The following KYNU variants were observed in gnomAD, a reference collection of about 807,000 sequenced individuals.
The protein encoded by KYNU is L-kynurenine hydrolase.
Under a neutral mutation model 59.2 loss-of-function variants are expected in KYNU, and 54 were observed. That is an observed-to-expected ratio of 0.91 (90% confidence interval 0.73 to 1.14). KYNU has a LOEUF of 1.14. Ranked by LOEUF, KYNU falls within the 50% of genes most tolerant of loss-of-function variation. KYNU has a pLI of 0.00. For synonymous variants in KYNU, 177 were observed against 192.0 expected (o/e 0.92, Z 0.65); for missense variants, 567 against 554.4 (o/e 1.02, Z -0.23).
intron 10 of KYNU, among the ~76,000 whole-genome samples, chr2:142,988,683 G>C (rs1333582423): frequency 3.9e-5 from 6 of 151,900 alleles, no homozygotes; most frequent in Non-Finnish European, 8.8e-5. Context: ...ACTCATGAAG[G>C]CCACGTTAAG....
intron 4 of KYNU, among the ~76,000 whole-genome samples, chr2:142,936,619 C>T (rs1683399255): frequency 6.6e-6 from 1 of 152,192 alleles, no homozygotes; most frequent in Non-Finnish European, 1.5e-5. Context: ...AACAGATGAT[C>T]AGCAACTGCC....
intron 1 of KYNU, among the ~76,000 whole-genome samples, chr2:142,883,427 T>C (rs1237015677): frequency 6.6e-6 from 1 of 152,020 alleles, no homozygotes; most frequent in Non-Finnish European, 1.5e-5. Flanking sequence ...CTTGATCTCC[T>C]GACCTCGTGA....
intron 12 of KYNU, among the ~76,000 whole-genome samples, chr2:143,039,169 C>T (rs1686967803): frequency 6.6e-6 from 1 of 151,976 alleles, no homozygotes; most frequent in Non-Finnish European, 1.5e-5. Context: ...GAAACCAAGC[C>T]CAAATGCTTC....
At chr2:143,034,418 A>T (rs998973113) in intron 12 of KYNU, among the ~76,000 whole-genome samples, 2 of 152,298 alleles carry the variant, frequency 1.3e-5, no homozygotes, top group Non-Finnish European at 2.9e-5. Context: ...AAAATTGCAT[A>T]ATTCTGTGAA....
chr2:142,948,775 T>C (rs1683884605), intron 4 of KYNU, among the ~76,000 whole-genome samples: 1 of 152,134 alleles, frequency 6.6e-6, no homozygotes, highest in Non-Finnish European at 1.5e-5. Flanking sequence ...CTTTGGCCCC[T>C]CCCAAATCTC....
chr2:143,021,847 TG>T (rs1485751854), intron 10 of KYNU, among the ~76,000 whole-genome samples: 3 of 152,298 alleles, frequency 2.0e-5, no homozygotes, highest in Admixed American at 2.0e-4. Flanking sequence ...ATATTAAATT[TG>T]TGCATCAATT....
At chr2:142,881,000 T>G (rs1439875) in intron 1 of KYNU, among the ~76,000 whole-genome samples, 24,261 of 152,248 alleles carry the variant, frequency 0.16, 3,096 homozygotes, top group African/African-American at 0.33. Flanking sequence ...GTGCTCTTAA[T>G]TGTTATTGGT....
At chr2:143,006,699 C>T (rs1279428073) in intron 10 of KYNU, among the ~76,000 whole-genome samples, 1 of 151,552 alleles carries the variant, frequency 6.6e-6, no homozygotes, top group Non-Finnish European at 1.5e-5. Context: ...CAGCACGCAG[C>T]TGGAGATCTG....
chr2:142,987,364 T>C (rs1247961491), intron 10 of KYNU, among the ~76,000 whole-genome samples: 2 of 151,908 alleles, frequency 1.3e-5, no homozygotes, highest in East Asian at 3.9e-4. Context: ...AGAATGTCAG[T>C]GTTCGGAGTT....
At chr2:142,973,800 G>T (rs899196473) in intron 8 of KYNU, among the ~76,000 whole-genome samples, 1 of 152,152 alleles carries the variant, frequency 6.6e-6, no homozygotes. Context: ...ACAGAAAATA[G>T]AGAATAAAAG....
intron 12 of KYNU, among the ~76,000 whole-genome samples, chr2:143,034,716 T>G (rs1686844528): frequency 6.6e-6 from 1 of 152,220 alleles, no homozygotes; most frequent in Non-Finnish European, 1.5e-5. Flanking sequence ...ATAATGATAT[T>G]TGAGTTGTTT....
At chr2:142,942,720 AG>A (rs1345995410) in intron 4 of KYNU, among the ~76,000 whole-genome samples, 1 of 152,218 alleles carries the variant, frequency 6.6e-6, no homozygotes, top group East Asian at 1.9e-4. Flanking sequence ...TATACTTGAA[AG>A]GGCCAAGTGG....
intron 2 of KYNU, among the ~76,000 whole-genome samples, chr2:142,906,973 G>A (rs1004315484): frequency 2.0e-5 from 3 of 152,198 alleles, no homozygotes; most frequent in Non-Finnish European, 4.4e-5. Context: ...TCACACCTGA[G>A]TCTTTAGTCC....
chr2:143,040,253 T>G (rs978961859), intron 12 of KYNU, among the ~76,000 whole-genome samples, 175 bp from the exon 13 acceptor site: 1 of 152,100 alleles, frequency 6.6e-6, no homozygotes, highest in African/African-American at 2.4e-5. Context: ...CTTCAGTATT[T>G]AATAGCAAAG....
At chr2:142,887,031 G>A (rs1185771791) in intron 2 of KYNU, among the ~76,000 whole-genome samples, 3 of 152,132 alleles carry the variant, frequency 2.0e-5, no homozygotes, top group South Asian at 2.1e-4. Context: ...TTAGCCGGGC[G>A]TAGTGGCGGG....
At chr2:142,970,049 A>C (rs954124959) in intron 8 of KYNU, among the ~76,000 whole-genome samples, 2 of 152,218 alleles carry the variant, frequency 1.3e-5, no homozygotes, top group African/African-American at 4.8e-5. Flanking sequence ...GCTATGTCTC[A>C]TGGCAATAAA....
chr2:143,009,068 C>A (rs1320922022), intron 10 of KYNU, among the ~76,000 whole-genome samples: 1 of 119,042 alleles, frequency 8.4e-6, no homozygotes, highest in Admixed American at 8.2e-5. Flanking sequence ...CAGAGCAGAA[C>A]TGAAGGAAAT....
intron 8 of KYNU, among the ~76,000 whole-genome samples, chr2:142,982,487 G>A (rs1685078934): frequency 6.6e-6 from 1 of 151,986 alleles, no homozygotes; most frequent in Admixed American, 6.6e-5. Context: ...GTGCTTCTGG[G>A]AATTTAGTGG....
chr2:142,880,286 C>T (rs1681248408), intron 1 of KYNU, among the ~76,000 whole-genome samples: 1 of 152,188 alleles, frequency 6.6e-6, no homozygotes, highest in African/African-American at 2.4e-5. Context: ...GGCAGAAAAA[C>T]ATCTCATGGA....
Sources: allele counts gnomAD v4.1 joint callset (sites outside exome capture counted in the v4.1 genomes callset), GRCh38; gene constraint gnomAD v4.1.1; transcripts MANE v1.5; gene names NCBI Gene and HGNC (gene_info 2026-07-23, HGNC 2026-07-21).